ARPP21: variants seen among roughly 807,000 people sequenced by gnomAD.
ARPP21 encodes the protein cAMP regulated phosphoprotein 21, also known as cAMP-regulated phosphoprotein 21.
In ARPP21, 69 loss-of-function variants were observed where a neutral mutation model predicts 113.2. The observed-to-expected ratio is 0.61, with a 90% CI of 0.50 to 0.74. The LOEUF is 0.74. Ranked by LOEUF, ARPP21 falls within the 30% of genes least tolerant of loss-of-function variation. The pLI is 0.00. For synonymous variants in ARPP21, 368 were observed against 375.5 expected (o/e 0.98, Z 0.23); for missense variants, 1,070 against 1,037.4 (o/e 1.03, Z -0.43).
At position 35,728,522 on chromosome 3, in the gene ARPP21, C is replaced by CT. The variant is rs35476301; in HGVS notation, c.1226-765dup. Among the ~76,000 whole-genome samples, 1,254 of 143,870 alleles carry CT rather than the reference C, an allele frequency of 8.7e-3. 11 individuals are homozygous for CT. The highest frequency in any genetic ancestry group is 0.028 in the African/African-American group (1,090 of 38,658). 94.4% of individuals were successfully genotyped at this position (143,870 alleles called of 152,430 possible). A position where few individuals can be genotyped will look rare whatever the true frequency, so the allele number is the denominator to read the frequency against. On this transcript the variant is annotated intron_variant, in intron 14 of 20. Transcript: ENST00000684406. The stretch of plus-strand genomic sequence containing the variant: ...CGTGAACCACTGTGCCCAGCCCATC[C>CT]TTTTTTTTTTTTTTTTAAATCCTTA...
At chr3:35,681,427 TG>T (rs1356234108) in intron 2 of ARPP21, 11 of 222,024 alleles carry the variant, frequency 5.0e-5, no homozygotes, top group Middle Eastern at 1.5e-3. Context: ...TAGTGGAGAA[TG>T]GGGAACTGGT....
chr3:35,772,084 A>T (rs1050111980), intron 19 of ARPP21, among the ~76,000 whole-genome samples: 4 of 152,174 alleles, frequency 2.6e-5, no homozygotes, highest in Admixed American at 2.6e-4. Context: ...ATTTGAAGCC[A>T]TTAAAATACT....
chr3:35,778,278 A>G (rs934741752), intron 19 of ARPP21, among the ~76,000 whole-genome samples: 4 of 152,102 alleles, frequency 2.6e-5, no homozygotes, highest in Admixed American at 2.6e-4. Context: ...GCCATTCTCT[A>G]TCCATCTCTC....
chr3:35,788,711 C>A (rs1029825507), intron 19 of ARPP21, among the ~76,000 whole-genome samples: 1 of 152,218 alleles, frequency 6.6e-6, no homozygotes, highest in African/African-American at 2.4e-5. Flanking sequence ...CCATGCCAAT[C>A]TACAATCCCT....
intron 1 of ARPP21, among the ~76,000 whole-genome samples, chr3:35,673,082 G>A (rs1317521406): frequency 6.6e-6 from 1 of 152,022 alleles, no homozygotes; most frequent in Non-Finnish European, 1.5e-5. Flanking sequence ...TGTGGTTGTT[G>A]AATCTTGCAG....
In ARPP21 at chr3:35,709,209, G is replaced by A. The variant is rs2090263104; in HGVS notation, c.897+139G>A. The A allele has an allele frequency of 6.2e-6, 4 of 640,426 alleles. No individual in the cohort carries two copies. The South Asian group carries it at 8.2e-5, about 13-fold the overall frequency. The allele number at this position is 640,426 out of a possible 1,614,324, so 39.7% of individuals were successfully genotyped here. A position where few individuals can be genotyped will look rare whatever the true frequency, so the allele number is the denominator to read the frequency against. On this transcript the variant is annotated intron_variant, in intron 11 of 20. Coordinates refer to ENST00000684406, the MANE Select transcript of ARPP21 (RefSeq NM_001385562.1). ...AATCAAACTGAAGAAAACTAGAGGT[G>A]ATTTTGGAAGAGGATCTGGTTCAGG...
Position 35,794,168 on chromosome 3 carries a change from A to G in ARPP21, c.*210A>G. The G allele has an allele frequency of 1.7e-6, 1 of 588,674 alleles. No homozygotes were observed. The highest frequency in any genetic ancestry group is 2.1e-5 in the South Asian group (1 of 47,624). 36.5% of individuals were successfully genotyped at this position (588,674 alleles called of 1,614,324 possible). A position where few individuals can be genotyped will look rare whatever the true frequency, so the allele number is the denominator to read the frequency against. On this transcript the variant is annotated 3_prime_UTR_variant, in exon 21 of 21. Coordinates refer to ENST00000684406, the MANE Select transcript of ARPP21 (RefSeq NM_001385562.1). ...TCATGTCTGCTAGGTATGCCTTTAT[A>G]GCTTAGCTAGTGACATGAATTCATC...
chr3:35,669,812 A>T (rs2075869590), intron 1 of ARPP21, among the ~76,000 whole-genome samples: 1 of 152,150 alleles, frequency 6.6e-6, no homozygotes, highest in Non-Finnish European at 1.5e-5. Context: ...AAAGCTAATT[A>T]CCCCTTCCAG....
chr3:35,785,703 A>G (rs2096617920), intron 19 of ARPP21, among the ~76,000 whole-genome samples: 2 of 152,206 alleles, frequency 1.3e-5, no homozygotes, highest in Non-Finnish European at 2.9e-5. Flanking sequence ...TTTAAGAATT[A>G]CATTCTGTGT....
At chr3:35,656,335 A>G (rs1234200498) in intron 1 of ARPP21, among the ~76,000 whole-genome samples, 1 of 152,118 alleles carries the variant, frequency 6.6e-6, no homozygotes, top group Non-Finnish European at 1.5e-5. Context: ...GGTGAGCATT[A>G]GAGGTTAAAA....
At chr3:35,698,758 A>G (rs931303784) in intron 9 of ARPP21, among the ~76,000 whole-genome samples, 2 of 151,684 alleles carry the variant, frequency 1.3e-5, no homozygotes, top group African/African-American at 4.8e-5. Context: ...ACTCGTACCT[A>G]TTGATTCACT....
intron 1 of ARPP21, among the ~76,000 whole-genome samples, chr3:35,649,716 C>T (rs935803853): frequency 1.3e-5 from 2 of 152,040 alleles, no homozygotes; most frequent in Non-Finnish European, 2.9e-5. Flanking sequence ...CTTTCAGACC[C>T]CCCTCCTGCT....
intron 11 of ARPP21, among the ~76,000 whole-genome samples, chr3:35,713,709 G>C (rs2091833074): frequency 6.6e-6 from 1 of 152,086 alleles, no homozygotes. Flanking sequence ...AGGTATCTTT[G>C]ACTTGCTTGT....
At chr3:35,776,491 A>C (rs1012242783) in intron 19 of ARPP21, among the ~76,000 whole-genome samples, 6 of 152,162 alleles carry the variant, frequency 3.9e-5, no homozygotes, top group South Asian at 2.1e-4. Flanking sequence ...AGCTCCACTT[A>C]ATAAGTCACC....
chr3:35,688,012 C>CTG (rs2081116960), intron 6 of ARPP21, 129 bp downstream of exon 6: 7 of 773,626 alleles, frequency 9.0e-6, no homozygotes, highest in Non-Finnish European at 1.4e-5. Context: ...GTGTACGTAT[C>CTG]TGTGTGTGTG....
chr3:35,662,323 C>T (rs927699214), intron 1 of ARPP21, among the ~76,000 whole-genome samples: 11 of 152,162 alleles, frequency 7.2e-5, no homozygotes, highest in African/African-American at 2.7e-4. Flanking sequence ...CTAACAATGG[C>T]TTAAAGCAAA....
Position 35,739,307 on chromosome 3 carries a change from T to C in ARPP21, c.1750-10T>C, listed in dbSNP as rs774430208. The C allele has an allele frequency of 1.2e-6, 2 of 1,610,670 alleles. No individual in the cohort carries two copies. The highest frequency in any genetic ancestry group is 1.7e-6 in the Non-Finnish European group (2 of 1,177,792). On this transcript the variant is annotated splice_polypyrimidine_tract_variant and intron_variant, in intron 17 of 20. Coordinates refer to ENST00000684406, the MANE Select transcript of ARPP21 (RefSeq NM_001385562.1). ...CTGTGAATTCCCTCATTTATTTCCA[T>C]GACTTGCAGAGAGATGATGTGGCAA... is the stretch of plus-strand genomic sequence containing the variant.
At chr3:35,667,961 AAGAAGAAGAAG>A (rs2075092804) in intron 1 of ARPP21, among the ~76,000 whole-genome samples, 1 of 61,736 alleles carries the variant, frequency 1.6e-5, no homozygotes, top group Non-Finnish European at 3.5e-5. Context: ...GAAGAAGAAG[AAGAAGAAGAAG>A]AAGAAGAAGA....
chr3:35,677,853 G>C (rs2077910514), intron 1 of ARPP21, among the ~76,000 whole-genome samples: 1 of 151,900 alleles, frequency 6.6e-6, no homozygotes, highest in Non-Finnish European at 1.5e-5. Flanking sequence ...GCTGAAGTAG[G>C]GTTGATTTCC....
Sources: gnomAD v4.1 joint callset for allele counts (sites outside exome capture counted in the v4.1 genomes callset) on GRCh38, gnomAD v4.1.1 for gene constraint, MANE v1.5 for transcripts, NCBI Gene and HGNC (gene_info 2026-07-23, HGNC 2026-07-21) for gene names.